The following MAP3K13 variants were observed in gnomAD, a reference collection of about 807,000 sequenced individuals.
MAP3K13 encodes the protein leucine zipper-bearing kinase.
MAP3K13 carries 52 observed loss-of-function variants against 104.0 expected under a neutral mutation model. The ratio of observed to expected loss-of-function variants is 0.50; its 90% CI spans 0.40 to 0.63. The LOEUF (loss-of-function observed/expected upper bound fraction) is 0.63. Among genes scored for constraint, MAP3K13 ranks in the 20% least tolerant of loss-of-function variants. The pLI is 0.00. For synonymous variants in MAP3K13, 394 were observed against 442.2 expected (o/e 0.89, Z 1.37); for missense variants, 914 against 1,218.5 (o/e 0.75, Z 3.72).
chr3:185,456,491 A>T (rs1716753863), intron 7 of MAP3K13, among the ~76,000 whole-genome samples: 1 of 152,054 alleles, frequency 6.6e-6, no homozygotes, highest in Admixed American at 6.6e-5. Context: ...TCTGTTAGTA[A>T]TCAGAAAAAA....
intron 2 of MAP3K13, among the ~76,000 whole-genome samples, chr3:185,332,168 C>A (rs964956212): frequency 3.9e-5 from 6 of 152,080 alleles, no homozygotes; most frequent in African/African-American, 1.4e-4. Flanking sequence ...ATTACTGGAT[C>A]AAAAGGTATC....
At chr3:185,330,571 A>C (rs1722228087) in intron 2 of MAP3K13, among the ~76,000 whole-genome samples, 1 of 152,016 alleles carries the variant, frequency 6.6e-6, no homozygotes, top group Non-Finnish European at 1.5e-5. Flanking sequence ...GAAGGAGTGG[A>C]GGGCTGGGGG....
chr3:185,293,266 C>T (rs1269994789), intron 2 of MAP3K13, among the ~76,000 whole-genome samples: 1 of 151,372 alleles, frequency 6.6e-6, no homozygotes, highest in Admixed American at 6.6e-5. Context: ...TACAGGCACT[C>T]GCCACTGCGC....
chr3:185,480,346 G>A lies in MAP3K13; in HGVS notation c.2616G>A (p.Glu872=). Residue 872 remains glutamate, a synonymous_variant, in exon 13 of 14, where the codon GAG becomes GAA. Coordinates refer to ENST00000265026, the MANE Select transcript of MAP3K13 (RefSeq NM_004721.5). ...GTGACCACTCAAACAGTCCTGATGA[G>A]TTAGCTGATAAACTTGAAGACCGCT... ...NTSDHSNSPD[E]LADKLEDRLA... is the part of the protein sequence containing the mutation. 2 of 1,614,210 alleles carry A rather than the reference G, an allele frequency of 1.2e-6. No individual in the cohort carries two copies. The highest frequency in any genetic ancestry group is 1.7e-6 in the Non-Finnish European group (2 of 1,180,044).
At chr3:185,346,859 C>T (rs1232367599) in intron 2 of MAP3K13, among the ~76,000 whole-genome samples, 2 of 152,116 alleles carry the variant, frequency 1.3e-5, no homozygotes, top group Non-Finnish European at 2.9e-5. Flanking sequence ...ACCTTTTCCT[C>T]CTCCTCCCTC....
At chr3:185,352,724 A>C (rs1356696412) in intron 2 of MAP3K13, among the ~76,000 whole-genome samples, 1 of 152,186 alleles carries the variant, frequency 6.6e-6, no homozygotes, top group African/African-American at 2.4e-5. Context: ...TACTTGATTT[A>C]TATATTGATG....
At chr3:185,460,695 G>A (rs756008465) in intron 7 of MAP3K13, among the ~76,000 whole-genome samples, 4 of 152,116 alleles carry the variant, frequency 2.6e-5, no homozygotes, top group Admixed American at 6.5e-5. Context: ...GGATACCTTC[G>A]GGGGAAACAC....
rs866108122 is a variant in MAP3K13, at chr3:185,418,880, C to A, written c.-85-9617C>A. On this transcript the variant is annotated intron_variant, in intron 1 of 13. Coordinates refer to ENST00000265026, the MANE Select transcript of MAP3K13 (RefSeq NM_004721.5). The surrounding 1 kb of genome is among the most constrained non-coding windows in gnomAD (Gnocchi z 4.5). ...TGTTTTGGGTTTCAGTTCTCTTAAT[C>A]ATGATCATTCTGCCTTTTCTAGAAT... 8.0e-7 allele frequency: 1 copy of A among 1,244,072 alleles called. No individual in the cohort carries two copies. The highest frequency in any genetic ancestry group is 2.6e-4 in the Middle Eastern group (1 of 3,904). 77.1% of individuals were successfully genotyped at this position (1,244,072 alleles called of 1,614,324 possible).
chr3:185,345,226 TATACACACACAC>T (rs895234964), intron 2 of MAP3K13, among the ~76,000 whole-genome samples: 10 of 146,210 alleles, frequency 6.8e-5, no homozygotes, highest in Admixed American at 2.0e-4. Context: ...CTCAAAAAAG[TATACACACACAC>T]ATACACACAC....
At chr3:185,297,892 G>A (rs772042547) in intron 2 of MAP3K13, among the ~76,000 whole-genome samples, 1 of 151,530 alleles carries the variant, frequency 6.6e-6, no homozygotes, top group African/African-American at 2.4e-5. Context: ...CTCTCTCTCT[G>A]TGTGCATACA....
rs2148933143 is a variant in MAP3K13, at chr3:185,483,485, G to A, written c.*1029G>A. 4.4e-6 allele frequency: 1 copy of A among 229,564 alleles called. No individual in the cohort carries two copies. The highest frequency in any genetic ancestry group is 8.6e-6 in the Non-Finnish European group (1 of 115,802). The allele number at this position is 229,564 out of a possible 1,614,324, so 14.2% of individuals were successfully genotyped here. On this transcript the variant is annotated 3_prime_UTR_variant, in exon 14 of 14. Transcript: ENST00000265026. ...ACATCTACAGTGGTGTTAGGAAAACGAACGTGGAATTTATAAAACTCCATT... is the reference window on the plus strand; with the variant it reads ...ACATCTACAGTGGTGTTAGGAAAACAAACGTGGAATTTATAAAACTCCATT...
At chr3:185,363,835 G>A (rs897052520) in intron 1 of MAP3K13, among the ~76,000 whole-genome samples, 1 of 152,202 alleles carries the variant, frequency 6.6e-6, no homozygotes, top group Non-Finnish European at 1.5e-5. Flanking sequence ...TTCATATTGT[G>A]TAACAGTCAG....
In MAP3K13 at chr3:185,435,717, T is replaced by C. The variant is rs573291617; in HGVS notation, c.476-1730T>C. Among the ~76,000 whole-genome samples, 13 of 152,338 alleles carry C rather than the reference T, an allele frequency of 8.5e-5. No homozygotes were observed. The East Asian group carries it at 2.5e-3, about 29-fold the overall frequency. On this transcript the variant is annotated intron_variant, in intron 2 of 13. Coordinates refer to ENST00000265026, the MANE Select transcript of MAP3K13 (RefSeq NM_004721.5). ...ATACTTTTTGCTCTATGTAGTTATATTTTGAAGGTTAGGTTTTAGCAATTG... is the reference window on the plus strand; with the variant it reads ...ATACTTTTTGCTCTATGTAGTTATACTTTGAAGGTTAGGTTTTAGCAATTG...
At chr3:185,325,573 G>C (rs1451541596) in intron 2 of MAP3K13, among the ~76,000 whole-genome samples, 1 of 152,162 alleles carries the variant, frequency 6.6e-6, no homozygotes, top group African/African-American at 2.4e-5. Context: ...TGCCTATTTG[G>C]TTTTGGGAGG....
intron 1 of MAP3K13, among the ~76,000 whole-genome samples, chr3:185,411,544 C>T (rs563560554): frequency 6.6e-6 from 1 of 152,116 alleles, no homozygotes; most frequent in Admixed American, 6.5e-5. Flanking sequence ...ATTGAAACAA[C>T]AGAAAATTCA....
rs186923533 is a variant in MAP3K13 at position 185,324,565 on chromosome 3, C to A, written c.-86+38922C>A. Among the ~76,000 whole-genome samples, 323 of 152,266 alleles carry A rather than the reference C, an allele frequency of 2.1e-3. 2 individuals carry two copies. Among genetic ancestry groups the A allele is most frequent in the African/African-American group, 7.0e-3 (291 of 41,546 alleles). Reference sequence around the variant, plus strand: ...TTTTCAACAACCACCCCTGCTATGACCAGCCTGGTTTCTTCCCTCTCCCAG... The same window carrying A: ...TTTTCAACAACCACCCCTGCTATGAACAGCCTGGTTTCTTCCCTCTCCCAG... On this transcript the variant is annotated intron_variant, in intron 2 of 14. Coordinates refer to the MAP3K13 transcript ENST00000424227.
chr3:185,469,061 G>A (rs1717624908), intron 10 of MAP3K13, among the ~76,000 whole-genome samples: 1 of 152,230 alleles, frequency 6.6e-6, no homozygotes, highest in Admixed American at 6.5e-5. Context: ...CCTGCAAAGA[G>A]CTGTACTGTC....
intron 2 of MAP3K13, among the ~76,000 whole-genome samples, chr3:185,347,322 T>C (rs1004114656): frequency 6.6e-6 from 1 of 152,170 alleles, no homozygotes; most frequent in Non-Finnish European, 1.5e-5. Flanking sequence ...CTACAGATTA[T>C]GTATACAGAT....
At chr3:185,348,020 A>G (rs1722999169) in intron 2 of MAP3K13, among the ~76,000 whole-genome samples, 1 of 151,706 alleles carries the variant, frequency 6.6e-6, no homozygotes, top group Admixed American at 6.6e-5. Flanking sequence ...CTCAAAAAAA[A>G]AAAAAAAGAA....
Sources: allele counts gnomAD v4.1 joint callset (sites outside exome capture counted in the v4.1 genomes callset), GRCh38; gene constraint gnomAD v4.1.1; non-coding constraint Gnocchi (gnomAD v3.1); transcripts MANE v1.5; gene names NCBI Gene and HGNC (gene_info 2026-07-23, HGNC 2026-07-21).